The following NEBL variants were observed in gnomAD, a reference collection of about 807,000 sequenced individuals.
The protein encoded by NEBL is LIM and SH3 protein 2.
Under a neutral mutation model 140.2 loss-of-function variants are expected in NEBL, and 122 were observed. The observed-to-expected ratio is 0.87, with a 90% confidence interval of 0.75 to 1.01. NEBL has a LOEUF of 1.01. NEBL is among the 50% of genes least tolerant of loss of function. NEBL has a pLI of 0.00. For synonymous variants in NEBL, 436 were observed against 398.9 expected, an observed-to-expected ratio of 1.09 and a Z score of -1.11; for missense variants, 1,365 against 1,231.3, an observed-to-expected ratio of 1.11 and a Z score of -1.62.
intron 2 of NEBL, among the ~76,000 whole-genome samples, chr10:21,146,054 G>T (rs551950076): frequency 1.3e-5 from 2 of 152,184 alleles, no homozygotes; most frequent in African/African-American, 4.8e-5. Flanking sequence ...TTTGTTAAGC[G>T]CCCGCTATGA....
chr10:20,793,393 G>A (rs961542460), intron 26 of NEBL: 71 of 967,200 alleles, frequency 7.3e-5, no homozygotes, highest in Non-Finnish European at 6.9e-5. Context: ...AGGAAGGACA[G>A]GAGATTAAGG....
intron 2 of NEBL, among the ~76,000 whole-genome samples, chr10:21,044,690 T>C (rs1834433790): frequency 6.6e-6 from 1 of 152,160 alleles, no homozygotes; most frequent in Non-Finnish European, 1.5e-5. Flanking sequence ...TGCTAAATGG[T>C]CAACATCTAT....
intron 2 of NEBL, among the ~76,000 whole-genome samples, chr10:20,895,238 A>C (rs188064844): frequency 1.3e-5 from 2 of 152,336 alleles, no homozygotes; most frequent in East Asian, 3.9e-4. Context: ...CTCAGCTATA[A>C]TTGCACTTCA....
intron 2 of NEBL, among the ~76,000 whole-genome samples, chr10:21,044,857 C>T (rs760930619): frequency 3.9e-5 from 6 of 151,988 alleles, no homozygotes; most frequent in Non-Finnish European, 7.4e-5. Context: ...CCCTAATTGC[C>T]GGTATGTTTG....
intron 12 of NEBL, among the ~76,000 whole-genome samples, chr10:20,843,185 T>C (rs1300351717): frequency 6.6e-6 from 1 of 152,058 alleles, no homozygotes; most frequent in African/African-American, 2.4e-5. Context: ...ACCACAGTTC[T>C]ATCCCTCTAC....
At chr10:20,853,392 G>A (rs2131081572) in intron 9 of NEBL, among the ~76,000 whole-genome samples, 1 of 152,242 alleles carries the variant, frequency 6.6e-6, no homozygotes, top group African/African-American at 2.4e-5. Flanking sequence ...GACAAAAATT[G>A]TTTCATTAGC....
intron 3 of NEBL, among the ~76,000 whole-genome samples, chr10:20,971,119 T>G (rs1163683436): frequency 2.6e-5 from 4 of 152,220 alleles, no homozygotes; most frequent in Non-Finnish European, 1.5e-5. Context: ...TTTCAGGTCT[T>G]TCTGTTGAAG....
intron 4 of NEBL, among the ~76,000 whole-genome samples, chr10:20,914,589 G>C: frequency 6.6e-6 from 1 of 152,042 alleles, no homozygotes; most frequent in East Asian, 1.9e-4. Flanking sequence ...AATTCCTCAA[G>C]TCTATTTTGG....
At chr10:21,218,644 A>C (rs1842030228) in intron 3 of NEBL, among the ~76,000 whole-genome samples, 1 of 152,174 alleles carries the variant, frequency 6.6e-6, no homozygotes, top group Non-Finnish European at 1.5e-5. Flanking sequence ...CTTCACATTT[A>C]ACTGATAAAA....
chr10:20,982,647 TCTTA>T (rs1837096723), intron 3 of NEBL, among the ~76,000 whole-genome samples: 1 of 152,190 alleles, frequency 6.6e-6, no homozygotes, highest in South Asian at 2.1e-4. Flanking sequence ...CTGACAAGCA[TCTTA>T]CTTATACCTT....
chr10:21,248,803 A>G (rs1842551241), intron 2 of NEBL, among the ~76,000 whole-genome samples: 1 of 150,852 alleles, frequency 6.6e-6, no homozygotes, highest in African/African-American at 2.4e-5. Context: ...AAGGGTTCCA[A>G]TTTCTCCACC....
chr10:21,244,429 A>G (rs1842489380), intron 3 of NEBL, among the ~76,000 whole-genome samples: 1 of 151,966 alleles, frequency 6.6e-6, no homozygotes, highest in East Asian at 1.9e-4. Context: ...AGGCAGGCAG[A>G]TGACCTGAGG....
Position 21,273,891 on chromosome 10 carries a change from T to C in NEBL, n.182+18939A>G, listed in dbSNP as rs1316375999. On this transcript the variant is annotated intron_variant and non_coding_transcript_variant, in intron 1 of 8. Coordinates refer to the NEBL transcript ENST00000675702. ...AGAATTTGCTTACCCCTGCAGCAGATGCTGTAAGTCCTGCTCACATTCCCT... is the reference window on the plus strand; with the variant it reads ...AGAATTTGCTTACCCCTGCAGCAGACGCTGTAAGTCCTGCTCACATTCCCT... 2.0e-5 allele frequency among the ~76,000 whole-genome samples: 3 copies of C among 152,188 alleles called. 1 individual carries two copies. The East Asian group carries it at 5.8e-4, about 29-fold the overall frequency.
chr10:21,100,243 A>G (rs1589233430), intron 2 of NEBL, among the ~76,000 whole-genome samples: 2 of 152,060 alleles, frequency 1.3e-5, no homozygotes, highest in Admixed American at 1.3e-4. Context: ...GATGTGTGGT[A>G]CCCGACCATT....
At position 20,783,744 on chromosome 10, in the gene NEBL, C is replaced by A. The variant is rs576287819; in HGVS notation, c.*2003G>T. 1 of 152,490 alleles carries A rather than the reference C, an allele frequency of 6.6e-6. No individual in the cohort carries two copies. Among genetic ancestry groups the A allele is most frequent in the Non-Finnish European group, 1.5e-5 (1 of 68,018 alleles). 9.4% of individuals were successfully genotyped at this position (152,490 alleles called of 1,614,324 possible). ...GCAGGTATTTTATCCTCAGTTTTAA[C>A]GACAGATTTTTTTGCAAAAATATTG... On this transcript the variant is annotated 3_prime_UTR_variant, in exon 28 of 28. Coordinates refer to ENST00000377122, the MANE Select transcript of NEBL (RefSeq NM_006393.3).
At chr10:21,184,918 T>A (rs1176204725) in intron 3 of NEBL, among the ~76,000 whole-genome samples, 2 of 152,202 alleles carry the variant, frequency 1.3e-5, no homozygotes, top group Admixed American at 1.3e-4. Context: ...TTCTTTTGTA[T>A]TTTCCTGTGT....
At chr10:21,202,721 A>G (rs984334553) in intron 3 of NEBL, among the ~76,000 whole-genome samples, 2 of 152,028 alleles carry the variant, frequency 1.3e-5, no homozygotes, top group Admixed American at 6.5e-5. Context: ...TCGGCCTCCC[A>G]AAGTGCTGGG....
At chr10:20,903,474 A>G (rs749917333) in intron 4 of NEBL, among the ~76,000 whole-genome samples, 1 of 152,202 alleles carries the variant, frequency 6.6e-6, no homozygotes, top group Non-Finnish European at 1.5e-5. Context: ...TTAAAGAACT[A>G]AAAGTAGAGC....
chr10:21,254,464 G>A (rs1250127051), intron 1 of NEBL, among the ~76,000 whole-genome samples: 1 of 149,564 alleles, frequency 6.7e-6, no homozygotes, highest in Non-Finnish European at 1.5e-5. Flanking sequence ...TTTTTTCTTT[G>A]AGATGTTGTC....
Sources: gnomAD v4.1 joint callset for allele counts (sites outside exome capture counted in the v4.1 genomes callset) on GRCh38, gnomAD v4.1.1 for gene constraint, MANE v1.5 for transcripts, NCBI Gene and HGNC (gene_info 2026-07-23, HGNC 2026-07-21) for gene names.